The following ARHGEF28 variants were observed in gnomAD, a reference collection of about 807,000 sequenced individuals.
The protein encoded by ARHGEF28 is Rho guanine nucleotide exchange factor 28.
A neutral mutation model predicts 206.6 loss-of-function variants in ARHGEF28; 152 were observed. The observed-to-expected ratio is 0.74, with a 90% CI of 0.64 to 0.84. The LOEUF is 0.84. ARHGEF28 is among the 40% of genes least tolerant of loss of function. The pLI is 0.00. For synonymous variants in ARHGEF28, 763 were observed against 776.4 expected, an observed-to-expected ratio of 0.98 and a Z score of 0.29; for missense variants, 2,028 against 2,073.2, an observed-to-expected ratio of 0.98 and a Z score of 0.42.
intron 1 of ARHGEF28, among the ~76,000 whole-genome samples, chr5:73,656,697 T>G (rs1159546821): frequency 6.6e-6 from 1 of 152,168 alleles, no homozygotes; most frequent in Non-Finnish European, 1.5e-5. Context: ...TCAGATTATG[T>G]CACTCAGCTC....
In ARHGEF28 at chr5:73,717,574, A is replaced by G. The variant is rs571797373; in HGVS notation, c.34-32263A>G. 2.8e-4 allele frequency among the ~76,000 whole-genome samples: 43 copies of G among 152,326 alleles called. 1 individual carries two copies. The highest frequency in any genetic ancestry group is 1.0e-3 in the African/African-American group (42 of 41,588). ...CACCACCAATAATAATAATGTAGAA[A>G]GTGGTTGTGTTTTTATTTGTTACTG... On this transcript the variant is annotated intron_variant, in intron 2 of 35. Coordinates refer to ENST00000513042, the MANE Select transcript of ARHGEF28 (RefSeq NM_001177693.2).
intron 8 of ARHGEF28, 51 bp from the exon 9 acceptor site, chr5:73,795,280 T>C: frequency 6.6e-7 from 1 of 1,520,960 alleles, no homozygotes; most frequent in Non-Finnish European, 9.1e-7. Flanking sequence ...TAAACATTAG[T>C]GTAGCATATA....
rs777899400 is a variant in ARHGEF28, at chr5:73,684,845, G to A, written c.-7G>A. 2.4e-5 allele frequency: 39 copies of A among 1,608,040 alleles called. No individual in the cohort carries two copies. The highest frequency in any genetic ancestry group is 1.3e-4 in the African/African-American group (10 of 74,820). ...TGTTTATTATTTTCATTGCAGATGC[G>A]AAAGCCATGGAGTTGAGCTGCAGCG... On this transcript the variant is annotated 5_prime_UTR_variant, in exon 2 of 36. Transcript: ENST00000513042.
At chr5:73,834,542 C>CTCTGTGTGTGTGTGTGTGTGTG (rs1455818141) in intron 10 of ARHGEF28, among the ~76,000 whole-genome samples, 14 of 146,324 alleles carry the variant, frequency 9.6e-5, no homozygotes, top group African/African-American at 3.3e-4. Context: ...AATAATATTC[C>CTCTGTGTGTGTGTGTGTGTGTG]TGTGTGTGTG....
At chr5:73,633,875 C>T (rs1213645123) in intron 1 of ARHGEF28, among the ~76,000 whole-genome samples, 2 of 152,076 alleles carry the variant, frequency 1.3e-5, no homozygotes, top group South Asian at 4.1e-4. Context: ...CCATGCCTGG[C>T]CTAAAAGTAT....
In ARHGEF28 at chr5:73,821,375, A is replaced by G. The variant is rs1384454039; in HGVS notation, c.1025-10963A>G. Reference sequence around the variant, plus strand: ...ATTTTGCTAGCATAGTTTTTTGTCTATAGAACTCAATTACTTTTGAGGATA... The same window carrying G: ...ATTTTGCTAGCATAGTTTTTTGTCTGTAGAACTCAATTACTTTTGAGGATA... On this transcript the variant is annotated intron_variant, in intron 9 of 35. Coordinates refer to ENST00000513042, the MANE Select transcript of ARHGEF28 (RefSeq NM_001177693.2). Among the ~76,000 whole-genome samples, 9 of 152,198 alleles carry G rather than the reference A, an allele frequency of 5.9e-5. No individual in the cohort carries two copies. In the South Asian group the frequency reaches 1.7e-3, roughly 28 times the overall value.
chr5:73,732,782 G>A (rs932929727), intron 2 of ARHGEF28, among the ~76,000 whole-genome samples: 4 of 143,184 alleles, frequency 2.8e-5, no homozygotes, highest in Non-Finnish European at 6.1e-5. Context: ...ATGAATTAAT[G>A]TATAAAGCTA....
At chr5:73,667,572 C>G (rs1297698639) in intron 1 of ARHGEF28, among the ~76,000 whole-genome samples, 8 of 152,220 alleles carry the variant, frequency 5.3e-5, no homozygotes, top group Non-Finnish European at 1.0e-4. Context: ...TGAATAGACT[C>G]TGGCTTCCTT....
intron 2 of ARHGEF28, among the ~76,000 whole-genome samples, chr5:73,722,782 A>G (rs879353836): frequency 6.6e-6 from 1 of 151,934 alleles, no homozygotes; most frequent in African/African-American, 2.4e-5. Context: ...AGGCAAATGC[A>G]TACATATCTC....
intron 1 of ARHGEF28, among the ~76,000 whole-genome samples, chr5:73,683,602 A>C (rs2112246316): frequency 6.6e-6 from 1 of 151,728 alleles, no homozygotes; most frequent in East Asian, 1.9e-4. Context: ...TTATCCATCC[A>C]TCTGTGCTGT....
intron 2 of ARHGEF28, among the ~76,000 whole-genome samples, chr5:73,740,385 C>T (rs186156439): frequency 6.6e-6 from 1 of 152,168 alleles, no homozygotes; most frequent in East Asian, 1.9e-4. Flanking sequence ...AGCAAATAAG[C>T]AAAACAGAAA....
chr5:73,879,689 A>T (rs986734453), intron 22 of ARHGEF28, among the ~76,000 whole-genome samples: 1 of 152,162 alleles, frequency 6.6e-6, no homozygotes, highest in African/African-American at 2.4e-5. Flanking sequence ...CTAGAGGTCC[A>T]CTCCAGACCC....
intron 11 of ARHGEF28, among the ~76,000 whole-genome samples, chr5:73,845,401 C>T (rs1268824502): frequency 1.3e-5 from 2 of 152,062 alleles, no homozygotes; most frequent in African/African-American, 4.8e-5. Context: ...TGAACTGTGT[C>T]TTGACATGGT....
intron 21 of ARHGEF28, 143 bp downstream of exon 21, chr5:73,870,352 C>A: frequency 1.9e-6 from 2 of 1,058,172 alleles, no homozygotes; most frequent in Non-Finnish European, 2.6e-6. Context: ...ATTTAGATCA[C>A]CTAGACCTTA....
intron 21 of ARHGEF28, among the ~76,000 whole-genome samples, chr5:73,872,402 A>C (rs763200148): frequency 2.6e-5 from 4 of 152,048 alleles, no homozygotes; most frequent in Non-Finnish European, 4.4e-5. Context: ...TTATCAGATA[A>C]ATTATTTACA....
intron 1 of ARHGEF28, among the ~76,000 whole-genome samples, chr5:73,630,515 T>C (rs1033462175): frequency 6.6e-6 from 1 of 152,164 alleles, no homozygotes; most frequent in African/African-American, 2.4e-5. Context: ...AGAGAGTAAG[T>C]TGTAGTTATA....
Position 73,753,007 on chromosome 5 carries a change from A to G in ARHGEF28, c.280A>G (p.Asn94Asp). The change falls in exon 4 of 36, where the codon AAC (asparagine) becomes GAC (aspartate). Residue 94 changes from asparagine to aspartate, a missense_variant. Asn to Asp is a conservative substitution (Grantham distance 23). This residue lies in a region of ARHGEF28 where 1,002 missense variants were observed against 1,015.3 expected (regional missense o/e 0.99). Coordinates refer to ENST00000513042, the MANE Select transcript of ARHGEF28 (RefSeq NM_001177693.2). Reference sequence around the variant, plus strand: ...CTCTGGCTCAGTGACCTACGTGGACAACATGGCTTGCAGGCTGGCTCGTCT... The same window carrying G: ...CTCTGGCTCAGTGACCTACGTGGACGACATGGCTTGCAGGCTGGCTCGTCT... ...MGSGSVTYVDNMACRLARLLV... is the reference protein window; with the variant it reads ...MGSGSVTYVDDMACRLARLLV... The G allele has an allele frequency of 6.2e-7, 1 of 1,613,476 alleles. No homozygotes were observed. The highest frequency in any genetic ancestry group is 8.5e-7 in the Non-Finnish European group (1 of 1,179,684).
intron 21 of ARHGEF28, among the ~76,000 whole-genome samples, chr5:73,872,316 C>A (rs1349071420): frequency 6.6e-6 from 1 of 151,808 alleles, no homozygotes; most frequent in African/African-American, 2.4e-5. Flanking sequence ...ATCCTTTGAC[C>A]ATTTTTGAAT....
At chr5:73,723,205 T>G (rs1325865307) in intron 2 of ARHGEF28, among the ~76,000 whole-genome samples, 2 of 152,220 alleles carry the variant, frequency 1.3e-5, no homozygotes. Flanking sequence ...TTTTTTTTCC[T>G]TTGTGATGGA....
Sources: gnomAD v4.1 joint callset for allele counts (sites outside exome capture counted in the v4.1 genomes callset) on GRCh38, gnomAD v4.1.1 for gene constraint, gnomAD v4.1.1 regional missense constraint, MANE v1.5 for transcripts, NCBI Gene and HGNC (gene_info 2026-07-23, HGNC 2026-07-21) for gene names.